The following IBTK variants were observed in gnomAD, a reference collection of about 807,000 sequenced individuals.
IBTK encodes the protein BTK-binding protein.
Under a neutral mutation model 154.9 loss-of-function variants are expected in IBTK, and 83 were observed. The ratio of observed to expected loss-of-function variants is 0.54; its 90% CI spans 0.45 to 0.64. The LOEUF is 0.64. Among genes scored for constraint, IBTK ranks in the 30% least tolerant of loss-of-function variants. The pLI is 0.00. For synonymous variants in IBTK, 515 were observed against 536.1 expected (o/e 0.96, Z 0.54); for missense variants, 1,332 against 1,584.6 (o/e 0.84, Z 2.71).
intron 26 of IBTK, 36 bp from the exon 27 acceptor site, chr6:82,173,474 T>C: frequency 6.5e-7 from 1 of 1,542,642 alleles, no homozygotes. Flanking sequence ...GATTAAAGCT[T>C]CTAGTAATAT....
In IBTK at chr6:82,171,348, TAA is replaced by T. The variant is rs1392923483; in HGVS notation, c.*75_*76del. The T allele has an allele frequency of 8.0e-7, 1 of 1,254,024 alleles. No homozygotes were observed. Among genetic ancestry groups the T allele is most frequent in the African/African-American group, 1.5e-5 (1 of 66,380 alleles). 77.7% of individuals were successfully genotyped at this position (1,254,024 alleles called of 1,614,324 possible). ...ATTTAGAATGATATTACAAAATCTCTAAGACTCTTTTCCACAGCTTTTCTTTA... is the reference window on the plus strand; with the variant it reads ...ATTTAGAATGATATTACAAAATCTCTGACTCTTTTCCACAGCTTTTCTTTA... On this transcript the variant is annotated 3_prime_UTR_variant, in exon 29 of 29. Transcript: ENST00000306270.
chr6:82,211,020 A>T (rs570227797), intron 15 of IBTK, 110 bp from the exon 16 acceptor site: 3 of 503,658 alleles, frequency 6.0e-6, no homozygotes, highest in Middle Eastern at 5.4e-4. Context: ...AATCACATCA[A>T]ATGCAAAACA....
chr6:82,225,087 G>A (rs1249393800), intron 6 of IBTK, among the ~76,000 whole-genome samples: 2 of 151,566 alleles, frequency 1.3e-5, no homozygotes, highest in Non-Finnish European at 2.9e-5. Context: ...ATCACCTGAG[G>A]TCAGGAGTTT....
intron 18 of IBTK, among the ~76,000 whole-genome samples, chr6:82,202,136 A>G (rs1299383450): frequency 2.6e-5 from 4 of 152,222 alleles, no homozygotes. Context: ...CGTCTAGCAC[A>G]TAGTTAATAG....
chr6:82,220,661 C>T lies in IBTK; in HGVS notation c.1177G>A (p.Val393Ile), dbSNP rs990529254. Residue 393 changes from valine (V) to isoleucine (I), a missense_variant, in exon 9 of 29, where the codon GTT (valine) becomes ATT (isoleucine). Physicochemically the swap from Val to Ile is conservative, Grantham distance 29. Transcript: ENST00000306270. ...LVSGGHMEYK[V>I]DPEHLKENGG... ...TTTTCTTTCAAATGTTCAGGATCAA[C>T]CTTGTATTCCATATGACCCCCAGAC... 2.6e-5 allele frequency: 42 copies of T among 1,611,408 alleles called. No homozygotes were observed. Among genetic ancestry groups the T allele is most frequent in the Non-Finnish European group, 3.5e-5 (41 of 1,178,932 alleles).
chr6:82,191,017 T>C (rs1768745502), intron 25 of IBTK, 56 bp downstream of exon 25: 5 of 1,288,594 alleles, frequency 3.9e-6, no homozygotes, highest in Non-Finnish European at 5.1e-6. Flanking sequence ...AGTCAAGTAC[T>C]ACCTTAAAAG....
intron 1 of IBTK, among the ~76,000 whole-genome samples, chr6:82,244,634 C>T (rs1771076614): frequency 6.6e-6 from 1 of 152,134 alleles, no homozygotes; most frequent in East Asian, 1.9e-4. Flanking sequence ...TATAAATCCC[C>T]AAATCTGTCT....
At chr6:82,218,176 T>C (rs764913538) in intron 9 of IBTK, 39 bp from the exon 10 acceptor site, 4 of 1,430,226 alleles carry the variant, frequency 2.8e-6, no homozygotes, top group Admixed American at 2.5e-5. Context: ...ATAAAGCAAG[T>C]AGCATTTGAA....
chr6:82,193,885 T>A (rs547450854), intron 23 of IBTK, among the ~76,000 whole-genome samples: 2 of 152,090 alleles, frequency 1.3e-5, no homozygotes, highest in Non-Finnish European at 2.9e-5. Context: ...TTTCACCATG[T>A]TGCCCAGGCT....
intron 4 of IBTK, among the ~76,000 whole-genome samples, chr6:82,230,260 AAAG>A (rs1400601018): frequency 1.3e-5 from 2 of 152,242 alleles, no homozygotes; most frequent in Non-Finnish European, 2.9e-5. Context: ...ATTCTGGATC[AAAG>A]AAGTTTTATG....
intron 19 of IBTK, 150 bp from the exon 20 acceptor site, chr6:82,200,858 C>T (rs1373670257): frequency 2.5e-6 from 2 of 789,884 alleles, no homozygotes; most frequent in Non-Finnish European, 1.9e-6. Flanking sequence ...ATCTTGGCCT[C>T]CCAAAATGCT....
At chr6:82,237,693 T>TAGTAGTAGCAGC (rs1398440213) in intron 2 of IBTK, among the ~76,000 whole-genome samples, 2 of 149,780 alleles carry the variant, frequency 1.3e-5, no homozygotes, top group African/African-American at 4.9e-5. Flanking sequence ...GTAGTAGTAG[T>TAGTAGTAGCAGC]AGCAGTAATA....
intron 21 of IBTK, among the ~76,000 whole-genome samples, chr6:82,196,673 C>T (rs1018059681): frequency 2.4e-4 from 37 of 152,308 alleles, no homozygotes; most frequent in African/African-American, 8.9e-4. Flanking sequence ...TTATTCATTA[C>T]AATCACACAC....
At chr6:82,179,613 G>A (rs973336083) in intron 26 of IBTK, among the ~76,000 whole-genome samples, 3 of 152,160 alleles carry the variant, frequency 2.0e-5, no homozygotes, top group African/African-American at 7.2e-5. Context: ...GGATGGTGTT[G>A]GCAATACAAA....
chr6:82,226,819 C>T lies in IBTK; in HGVS notation c.654+373G>A, dbSNP rs146810951. ...CAGGGTTTCTCCATGTTGGCCAGGC[C>T]GGTCTCGAACTCCCGACCTCAGGTG... On this transcript the variant is annotated intron_variant, in intron 5 of 28. Transcript: ENST00000306270. Among the ~76,000 whole-genome samples the T allele has an allele frequency of 2.9e-3, 438 of 152,012 alleles. 5 individuals are homozygous for T. The highest frequency in any genetic ancestry group is 0.01 in the African/African-American group (420 of 41,486).
intron 12 of IBTK, among the ~76,000 whole-genome samples, chr6:82,213,200 G>T (rs1200686613): frequency 2.5e-4 from 38 of 152,000 alleles, no homozygotes. Flanking sequence ...GCTAATTTTT[G>T]TAATTTTTTG....
chr6:82,221,144 T>C (rs942211154), intron 8 of IBTK, among the ~76,000 whole-genome samples: 2 of 152,046 alleles, frequency 1.3e-5, no homozygotes, highest in African/African-American at 4.8e-5. Flanking sequence ...CTGGCCAAAA[T>C]AGCAAAACCC....
chr6:82,225,539 G>A lies in IBTK; in HGVS notation c.763C>T (p.Leu255=). The change falls in exon 6 of 29, where the codon CTA becomes TTA. Residue 255 remains leucine (L), a synonymous_variant. Transcript: ENST00000306270. ...TEDGCVYTFG[L]NIFHQLGIIP... ...ATTCCTAATTGATGAAAAATGTTTA[G>A]ACCAAATGTATAAACACATCCATCT... 6.2e-7 allele frequency: 1 copy of A among 1,612,532 alleles called. No homozygotes were observed. Among genetic ancestry groups the A allele is most frequent in the East Asian group, 2.2e-5 (1 of 44,820 alleles).
rs550631150 is a variant in IBTK at position 82,204,966 on chromosome 6, A to C, written c.2510-8T>G. ...AATCTACATTTTGAGATTCTAAAAA[A>C]AGAAAGAAAACAAGCATCACTTTTT... On this transcript the variant is annotated splice_region_variant and splice_polypyrimidine_tract_variant and intron_variant, in intron 16 of 28. Transcript: ENST00000306270. 17 of 1,555,708 alleles carry C rather than the reference A, an allele frequency of 1.1e-5. No homozygotes were observed. The highest frequency in any genetic ancestry group is 1.4e-5 in the Non-Finnish European group (16 of 1,139,606).
Sources: allele counts gnomAD v4.1 joint callset (sites outside exome capture counted in the v4.1 genomes callset), GRCh38; gene constraint gnomAD v4.1.1; transcripts MANE v1.5; gene names NCBI Gene and HGNC (gene_info 2026-07-23, HGNC 2026-07-21).